Variants in DRC11 observed in about 807,000 individuals in gnomAD.
DRC11 encodes dynein regulatory complex subunit 11.
chr2:236,343,620 G>C, the DRC11 span: 1 of 847,446 alleles, frequency 1.2e-6, no homozygotes, highest in Non-Finnish European at 1.7e-6. The surrounding 1 kb of genome is among the most constrained non-coding windows in gnomAD (Gnocchi z 6.6). Context: ...TGTGACACGT[G>C]AGACGAAACA....
chr2:236,458,419 A>T, the DRC11 span, among the ~76,000 whole-genome samples: 9 of 152,354 alleles, frequency 5.9e-5, no homozygotes, highest in African/African-American at 2.2e-4. Context: ...TAACTAAAAA[A>T]CTACAAGAAC....
the DRC11 span, chr2:236,488,134 C>T: frequency 1.2e-6 from 2 of 1,609,996 alleles, no homozygotes; most frequent in Admixed American, 1.7e-5. Flanking sequence ...CGTGCCCTCT[C>T]AGCAATCTGG....
chr2:236,408,393 G>C, the DRC11 span: 1 of 745,494 alleles, frequency 1.3e-6, no homozygotes, highest in Non-Finnish European at 2.5e-6. This position sits in a 1 kb window ranked among gnomAD's most constrained non-coding sequence, Gnocchi z 5.5. Context: ...CCCCTTTGTA[G>C]TCTTTGCCCT....
chr2:236,455,277 C>T, the DRC11 span, among the ~76,000 whole-genome samples: 1 of 152,196 alleles, frequency 6.6e-6, no homozygotes, highest in Non-Finnish European at 1.5e-5. The surrounding 1 kb of genome is among the most constrained non-coding windows in gnomAD (Gnocchi z 5.7). Flanking sequence ...ATATGAATTC[C>T]AGCCTCGCCT....
the DRC11 span, among the ~76,000 whole-genome samples, chr2:236,393,812 G>C: frequency 2.6e-5 from 4 of 152,114 alleles, no homozygotes; most frequent in East Asian, 5.8e-4. The surrounding 1 kb of genome is among the most constrained non-coding windows in gnomAD (Gnocchi z 4.7). Flanking sequence ...ACCTGCCTGG[G>C]GCAGCACAGC....
the DRC11 span, among the ~76,000 whole-genome samples, chr2:236,373,488 T>C: frequency 3.2e-3 from 482 of 152,264 alleles, 3 homozygotes; most frequent in African/African-American, 0.011. Context: ...TGACCTCCAA[T>C]GATCCGCCCA....
chr2:236,408,538 G>A, the DRC11 span: 21 of 729,356 alleles, frequency 2.9e-5, no homozygotes, highest in African/African-American at 5.2e-5. The surrounding 1 kb of genome is among the most constrained non-coding windows in gnomAD (Gnocchi z 5.5). Context: ...CTCCATCAGC[G>A]GGGCCTTCTT....
the DRC11 span, among the ~76,000 whole-genome samples, chr2:236,351,243 C>T: frequency 4.6e-5 from 7 of 152,118 alleles, no homozygotes; most frequent in Admixed American, 3.3e-4. The surrounding 1 kb of genome is among the most constrained non-coding windows in gnomAD (Gnocchi z 7.3). Flanking sequence ...GGAGAGCAGA[C>T]CTGAGGTTGA....
the DRC11 span, among the ~76,000 whole-genome samples, chr2:236,482,052 ATAT>A: frequency 6.9e-6 from 1 of 143,966 alleles, no homozygotes; most frequent in Non-Finnish European, 1.5e-5. This position sits in a 1 kb window ranked among gnomAD's most constrained non-coding sequence, Gnocchi z 4.5. Flanking sequence ...ATAATTCTAC[ATAT>A]TATATGTATA....
chr2:236,366,356 G>C, the DRC11 span, among the ~76,000 whole-genome samples: 4 of 152,180 alleles, frequency 2.6e-5, no homozygotes, highest in Non-Finnish European at 5.9e-5. Flanking sequence ...CCACCATCAA[G>C]GTGATCTAAA....
the DRC11 span, among the ~76,000 whole-genome samples, chr2:236,330,213 A>G: frequency 6.6e-6 from 1 of 152,180 alleles, no homozygotes; most frequent in Non-Finnish European, 1.5e-5. This position sits in a 1 kb window ranked among gnomAD's most constrained non-coding sequence, Gnocchi z 5.5. Flanking sequence ...GCCTTGCCAG[A>G]GCGGGGGTCA....
chr2:236,380,659 C>G, the DRC11 span: 1 of 1,516,444 alleles, frequency 6.6e-7, no homozygotes, highest in South Asian at 1.2e-5. The surrounding 1 kb of genome is among the most constrained non-coding windows in gnomAD (Gnocchi z 4.9). Flanking sequence ...AGGAAATAAC[C>G]AACAATTTAG....
chr2:236,490,346 C>T, the DRC11 span, among the ~76,000 whole-genome samples: 5 of 152,274 alleles, frequency 3.3e-5, no homozygotes, highest in East Asian at 1.9e-4. The surrounding 1 kb of genome is among the most constrained non-coding windows in gnomAD (Gnocchi z 5.5). Context: ...ACAGACTGAC[C>T]GTCTTTCCAC....
chr2:236,369,863 G>A, the DRC11 span, among the ~76,000 whole-genome samples: 1 of 152,182 alleles, frequency 6.6e-6, no homozygotes, highest in Non-Finnish European at 1.5e-5. This position sits in a 1 kb window ranked among gnomAD's most constrained non-coding sequence, Gnocchi z 4.5. Context: ...GGGGAGGGAA[G>A]AAGAAAGTGG....
chr2:236,375,684 G>A, the DRC11 span, among the ~76,000 whole-genome samples: 2 of 152,168 alleles, frequency 1.3e-5, no homozygotes, highest in African/African-American at 4.8e-5. This position sits in a 1 kb window ranked among gnomAD's most constrained non-coding sequence, Gnocchi z 4.2. Context: ...CAGCCTTCTT[G>A]CCCTCACAGA....
chr2:236,401,802 G>C, the DRC11 span, among the ~76,000 whole-genome samples: 112 of 152,114 alleles, frequency 7.4e-4, no homozygotes, highest in East Asian at 0.021. The surrounding 1 kb of genome is among the most constrained non-coding windows in gnomAD (Gnocchi z 4.6). Flanking sequence ...ATGGGTACGG[G>C]GTCTCCTTGG....
At chr2:236,471,812 C>T in the DRC11 span, among the ~76,000 whole-genome samples, 70 of 152,290 alleles carry the variant, frequency 4.6e-4, no homozygotes, top group African/African-American at 1.5e-3. The surrounding 1 kb of genome is among the most constrained non-coding windows in gnomAD (Gnocchi z 4.6). Context: ...CTCCAGGGTT[C>T]TTGACCTTAA....
At chr2:236,367,732 G>A in the DRC11 span, 3 of 178,470 alleles carry the variant, frequency 1.7e-5, no homozygotes, top group Non-Finnish European at 3.6e-5. The surrounding 1 kb of genome is among the most constrained non-coding windows in gnomAD (Gnocchi z 4.8). Context: ...TCATTTAGCA[G>A]TGAGAGTAGA....
chr2:236,338,546 C>G, the DRC11 span, among the ~76,000 whole-genome samples: 44 of 152,352 alleles, frequency 2.9e-4, no homozygotes, highest in African/African-American at 8.7e-4. Context: ...TCGGAATGTG[C>G]TTCCCAGTAT....
Sources: gnomAD v4.1 joint callset for allele counts (sites outside exome capture counted in the v4.1 genomes callset) on GRCh38, gnomAD v4.1.1 for gene constraint, Gnocchi (gnomAD v3.1) non-coding constraint, MANE v1.5 for transcripts, NCBI Gene and HGNC (gene_info 2026-07-23, HGNC 2026-07-21) for gene names.